Variants in SYCP3 observed in about 807,000 individuals in gnomAD.
The protein encoded by SYCP3 is synaptonemal complex protein 3.
A neutral mutation model predicts 38.5 loss-of-function variants in SYCP3; 29 were observed. The ratio of observed to expected loss-of-function variants is 0.75; its 90% CI spans 0.56 to 1.03. The LOEUF (loss-of-function observed/expected upper bound fraction) is 1.03. Ranked by LOEUF, SYCP3 falls within the 50% of genes least tolerant of loss-of-function variation. SYCP3 has a pLI of 0.00. For synonymous variants in SYCP3, 79 were observed against 80.3 expected, an observed-to-expected ratio of 0.98 and a Z score of 0.08; for missense variants, 242 against 270.7, an observed-to-expected ratio of 0.89 and a Z score of 0.74.
chr12:101,735,088 A>G, intron 4 of SYCP3, 44 bp from the exon 5 acceptor site: 1 of 1,356,168 alleles, frequency 7.4e-7, no homozygotes, highest in South Asian at 1.2e-5. Flanking sequence ...TGTTGAAAAA[A>G]GTATTTTGTT....
chr12:101,737,324 A>C, intron 2 of SYCP3, 26 bp from the exon 3 acceptor site: 1 of 1,577,646 alleles, frequency 6.3e-7, no homozygotes, highest in Non-Finnish European at 8.6e-7. Context: ...AAAAAAAAAA[A>C]AAAAAGCTTT....
chr12:101,729,029 T>G (rs1594157033), intron 8 of SYCP3, 49 bp from the exon 9 acceptor site: 1 of 1,611,188 alleles, frequency 6.2e-7, no homozygotes. Context: ...TTTATTTAAG[T>G]GTTATACCTA....
chr12:101,731,665 T>C lies in SYCP3; in HGVS notation c.455A>G (p.Asn152Ser). 10 of 1,589,678 alleles carry C rather than the reference T, an allele frequency of 6.3e-6. No individual in the cohort carries two copies. The highest frequency in any genetic ancestry group is 8.5e-6 in the Non-Finnish European group (10 of 1,173,348). Residue 152 changes from asparagine (N) to serine (S), a missense_variant and splice_region_variant, in exon 7 of 9, where the codon AAT (asparagine) becomes AGT (serine). Coordinates refer to ENST00000392924, the MANE Select transcript of SYCP3 (RefSeq NM_001177949.2). ...KAEEQEEKILNMFRQQQKILQ... is the reference protein window; with the variant it reads ...KAEEQEEKILSMFRQQQKILQ... The stretch of plus-strand genomic sequence containing the variant: ...AATCTTTTGTTGCTGTCGAAACATA[T>C]TCTACAAATATAAAAGAAAAAAAAC...
intron 7 of SYCP3, 35 bp downstream of exon 7, chr12:101,731,533 T>G (rs1203119919): frequency 3.6e-6 from 5 of 1,376,730 alleles, no homozygotes; most frequent in Non-Finnish European, 5.0e-6. Context: ...TATTATGTTT[T>G]ATAACGATGT....
chr12:101,735,871 A>ATATATTTTTTTTTTTTTTTTTT, intron 4 of SYCP3, among the ~76,000 whole-genome samples: 1 of 74,788 alleles, frequency 1.3e-5, no homozygotes, highest in African/African-American at 6.3e-5. Context: ...ATATATATAT[A>ATATATTTTTTTTTTTTTTTTTT]TTTTTTTTTT....
chr12:101,733,643 A>G lies in SYCP3; in HGVS notation c.385T>C (p.Phe129Leu). The change falls in exon 6 of 9, where the codon TTT becomes CTT. Residue 129 changes from phenylalanine to leucine, a missense_variant. Physicochemically the swap from Phe to Leu is conservative, Grantham distance 22. Coordinates refer to ENST00000392924, the MANE Select transcript of SYCP3 (RefSeq NM_001177949.2). ...TCCCACTGCTGAAACAAAGTCAGAA[A>G]CTGCTGAGAATATTCTTGGTTAAGC... ...QKLNQEYSQQFLTLFQQWDLD... is the reference protein window; with the variant it reads ...QKLNQEYSQQLLTLFQQWDLD... The G allele has an allele frequency of 6.2e-7, 1 of 1,611,888 alleles. No individual in the cohort carries two copies. Among genetic ancestry groups the G allele is most frequent in the Non-Finnish European group, 8.5e-7 (1 of 1,179,966 alleles).
chr12:101,729,770 CAT>C (rs1188818827), intron 7 of SYCP3: 1 of 151,960 alleles, frequency 6.6e-6, no homozygotes, highest in East Asian at 1.9e-4. Flanking sequence ...GAGAAAAAAA[CAT>C]AGGAACAAAA....
intron 7 of SYCP3, chr12:101,729,500 G>T (rs1421637855): frequency 3.3e-6 from 1 of 299,904 alleles, no homozygotes; most frequent in African/African-American, 2.2e-5. Flanking sequence ...TCCCACATCA[G>T]TAAAAACCAT....
At chr12:101,730,491 A>AT (rs201662453) in intron 7 of SYCP3, 44,038 of 323,454 alleles carry the variant, frequency 0.14, 1,351 homozygotes, top group Middle Eastern at 0.17. Context: ...TGTGTGTATA[A>AT]TTTTTTTTTT....
intron 4 of SYCP3, 117 bp from the exon 5 acceptor site, chr12:101,735,161 T>G (rs1952354028): frequency 1.5e-6 from 1 of 659,624 alleles, no homozygotes; most frequent in Non-Finnish European, 2.6e-6. Context: ...CATTTAAACT[T>G]AAATTTAGAA....
intron 1 of SYCP3, among the ~76,000 whole-genome samples, chr12:101,738,457 C>T (rs1952556741): frequency 6.6e-6 from 1 of 150,416 alleles, no homozygotes; most frequent in Non-Finnish European, 1.5e-5. Context: ...ACAGAAATGG[C>T]CGGGCGCTGT....
intron 7 of SYCP3, among the ~76,000 whole-genome samples, chr12:101,729,933 A>G (rs148596891): frequency 1.3e-5 from 2 of 152,290 alleles, no homozygotes; most frequent in South Asian, 2.1e-4. Context: ...GCATAAGCAG[A>G]AGCATGGAAG....
Position 101,737,882 on chromosome 12 carries a change from T to G in SYCP3, c.54A>C (p.Glu18Asp). The change falls in exon 2 of 9, where the codon GAA becomes GAC. Residue 18 changes from glutamate (E) to aspartate (D), a missense_variant. Physicochemically the swap from Glu to Asp is conservative, Grantham distance 45. Coordinates refer to ENST00000392924, the MANE Select transcript of SYCP3 (RefSeq NM_001177949.2). The stretch of plus-strand genomic sequence containing the variant: ...AGTCATAGGCTCTCGTAAACTGATC[T>G]TCCACAGACGGCTTCCCAGATTTCC... ...YSRKSGKPSV[E>D]DQFTRAYDFE... The G allele has an allele frequency of 1.9e-6, 3 of 1,614,190 alleles. No homozygotes were observed. Among genetic ancestry groups the G allele is most frequent in the Non-Finnish European group, 2.5e-6 (3 of 1,180,030 alleles).
chr12:101,731,001 A>G (rs1011235854), intron 7 of SYCP3, among the ~76,000 whole-genome samples: 2 of 152,180 alleles, frequency 1.3e-5, no homozygotes, highest in African/African-American at 4.8e-5. Flanking sequence ...TACAGACTAC[A>G]ATTTGCTAAT....
At chr12:101,731,722 T>C (rs1952199881) in intron 6 of SYCP3, 56 bp from the exon 7 acceptor site, 5 of 1,288,848 alleles carry the variant, frequency 3.9e-6, no homozygotes, top group Admixed American at 2.5e-5. Flanking sequence ...AAATTTTAAA[T>C]TTAGAAAAAA....
chr12:101,739,165 G>GGCCCC, intron 1 of SYCP3, 186 bp downstream of exon 1: 1 of 747,086 alleles, frequency 1.3e-6, no homozygotes, highest in Non-Finnish European at 1.6e-6. Flanking sequence ...ATGGGGCCCA[G>GGCCCC]CCCCAGCCCA....
At position 101,729,108 on chromosome 12, in the gene SYCP3, C is replaced by G. The variant is rs748225434; in HGVS notation, c.657+1G>C. The G allele has an allele frequency of 7.5e-6, 12 of 1,608,624 alleles. No homozygotes were observed. Among genetic ancestry groups the G allele is most frequent in the Non-Finnish European group, 1.0e-5 (12 of 1,175,960 alleles). The stretch of plus-strand genomic sequence containing the variant: ...TTTTCAATTTCAATATGATCACTTA[C>G]AGTTTCCATCATAATTTTTTTTTGC... On this transcript the variant is annotated splice_donor_variant, in intron 8 of 8. Coordinates refer to ENST00000392924, the MANE Select transcript of SYCP3 (RefSeq NM_001177949.2). LOFTEE classifies it high-confidence loss of function.
intron 1 of SYCP3, 110 bp from the exon 2 acceptor site, chr12:101,738,062 T>A (rs770429964): frequency 6.3e-4 from 794 of 1,261,428 alleles, no homozygotes; most frequent in Non-Finnish European, 8.3e-4. Context: ...TTGAATACAA[T>A]TTTAACAGTT....
In SYCP3 at chr12:101,736,925, G is replaced by C. The variant is rs1952471244; in HGVS notation, c.235+112C>G. The C allele has an allele frequency of 4.1e-6, 4 of 970,932 alleles. No homozygotes were observed. In the African/African-American group the frequency reaches 4.9e-5, roughly 12 times the overall value. The allele number at this position is 970,932 out of a possible 1,614,324, so 60.1% of individuals were successfully genotyped here. ...AATACTTATGCAGAATCTTCTATGT[G>C]AGAACAAGGCATTAAATAACAGTCT... is the stretch of plus-strand genomic sequence containing the variant. On this transcript the variant is annotated intron_variant, in intron 4 of 8. Transcript: ENST00000392924.
Sources: allele counts gnomAD v4.1 joint callset (sites outside exome capture counted in the v4.1 genomes callset), GRCh38; gene constraint gnomAD v4.1.1; transcripts MANE v1.5; gene names NCBI Gene and HGNC (gene_info 2026-07-23, HGNC 2026-07-21).